Variants in TTBK2 observed in about 807,000 individuals in gnomAD.
The protein encoded by TTBK2 is tau-tubulin kinase 2.
Under a neutral mutation model 110.8 loss-of-function variants are expected in TTBK2, and 28 were observed. That is an observed-to-expected ratio of 0.25 (90% CI 0.19 to 0.35). The LOEUF (loss-of-function observed/expected upper bound fraction) is 0.35, where lower values mean the gene tolerates loss of function less well. Ranked by LOEUF, TTBK2 falls within the 10% of genes least tolerant of loss-of-function variation. The pLI is 1.00. For missense variants in TTBK2, 1,369 were observed against 1,500.3 expected (o/e 0.91, Z 1.45); for synonymous variants, 532 against 527.3 (o/e 1.01, Z -0.12).
At chr15:42,920,394 C>A (rs1357213143) in intron 1 of TTBK2, 44 bp downstream of exon 1, 4 of 152,440 alleles carry the variant, frequency 2.6e-5, no homozygotes, top group Admixed American at 2.6e-4. Context: ...GGGGTCGAGA[C>A]TGGGGGAGGG....
chr15:42,817,502 C>T (rs1892088773), intron 6 of TTBK2, among the ~76,000 whole-genome samples: 2 of 152,016 alleles, frequency 1.3e-5, no homozygotes, highest in Admixed American at 1.3e-4. Flanking sequence ...CTAAGTAAAC[C>T]TGAGATACCA....
intron 13 of TTBK2, among the ~76,000 whole-genome samples, chr15:42,756,200 G>A (rs1320209529): frequency 6.6e-6 from 1 of 151,570 alleles, no homozygotes; most frequent in Non-Finnish European, 1.5e-5. Context: ...GCTGGACCCT[G>A]TCTGAAAAAC....
intron 6 of TTBK2, among the ~76,000 whole-genome samples, chr15:42,818,863 C>T (rs183299554): frequency 4.5e-5 from 6 of 134,326 alleles, no homozygotes; most frequent in Admixed American, 4.3e-4. Context: ...TCTCGGCTTG[C>T]GGTGAGCCAA....
intron 9 of TTBK2, among the ~76,000 whole-genome samples, chr15:42,805,565 A>C (rs1282201952): frequency 6.6e-6 from 1 of 152,156 alleles, no homozygotes. Context: ...TACAATGGGG[A>C]ATGAAAGGAG....
intron 3 of TTBK2, among the ~76,000 whole-genome samples, chr15:42,846,853 A>G (rs942313769): frequency 2.0e-5 from 3 of 151,896 alleles, no homozygotes; most frequent in African/African-American, 7.3e-5. Flanking sequence ...CTCTATAAAG[A>G]CTCTTGAACA....
chr15:42,897,480 AG>A (rs1895710422), intron 1 of TTBK2, among the ~76,000 whole-genome samples: 1 of 152,136 alleles, frequency 6.6e-6, no homozygotes, highest in African/African-American at 2.4e-5. Flanking sequence ...GAGATGAGTA[AG>A]TCATGCTCCC....
chr15:42,764,444 A>G (rs532977876), intron 13 of TTBK2, among the ~76,000 whole-genome samples: 8 of 152,396 alleles, frequency 5.2e-5, no homozygotes, highest in African/African-American at 1.9e-4. Context: ...ACGGCACACC[A>G]GGAGATTACA....
At chr15:42,758,034 C>T (rs1289770974) in intron 13 of TTBK2, among the ~76,000 whole-genome samples, 3 of 152,168 alleles carry the variant, frequency 2.0e-5, no homozygotes, top group Non-Finnish European at 2.9e-5. Flanking sequence ...AGCTGCAAAC[C>T]AACTACCATT....
At chr15:42,834,013 A>AAAAAC (rs577793202) in intron 4 of TTBK2, among the ~76,000 whole-genome samples, 1,927 of 151,872 alleles carry the variant, frequency 0.013, 34 homozygotes, top group East Asian at 0.044. Flanking sequence ...TCTGTCTCAA[A>AAAAAC]AAAACAAAAC....
In TTBK2 at chr15:42,815,903, TATATTTAAAA is replaced by T. The variant is rs1351433567; in HGVS notation, c.603+1119_603+1128del. Among the ~76,000 whole-genome samples, 26 of 115,214 alleles carry T rather than the reference TATATTTAAAA, an allele frequency of 2.3e-4. 1 individual carries two copies. Among genetic ancestry groups the T allele is most frequent in the African/African-American group, 1.1e-3 (26 of 24,590 alleles). 75.6% of individuals were successfully genotyped at this position (115,214 alleles called of 152,430 possible). ...ATATATATATTTAAAAATATATATA[TATATTTAAAA>T]ATATATATATATTTAAAAATATATA... On this transcript the variant is annotated intron_variant, in intron 7 of 14. Transcript: ENST00000267890.
At chr15:42,838,979 T>A (rs1893110291) in intron 4 of TTBK2, among the ~76,000 whole-genome samples, 1 of 152,194 alleles carries the variant, frequency 6.6e-6, no homozygotes, top group Admixed American at 6.5e-5. Flanking sequence ...GGGGTATATG[T>A]GCAGGTTTGA....
intron 11 of TTBK2, among the ~76,000 whole-genome samples, chr15:42,777,637 C>A (rs1188912675): frequency 2.0e-5 from 3 of 152,158 alleles, no homozygotes; most frequent in Non-Finnish European, 4.4e-5. Context: ...GGCTGCCAAG[C>A]CTGAGTCGCT....
intron 11 of TTBK2, among the ~76,000 whole-genome samples, chr15:42,777,740 G>A (rs1232167701): frequency 6.6e-6 from 1 of 152,234 alleles, no homozygotes; most frequent in African/African-American, 2.4e-5. Flanking sequence ...GGAGAAGGAG[G>A]ATGACTGTGA....
At position 42,816,942 on chromosome 15, in the gene TTBK2, AT is replaced by A. The variant is rs66534174; in HGVS notation, c.603+89del. 96,939 of 601,452 alleles carry A rather than the reference AT, an allele frequency of 0.16. 8,916 individuals are homozygous for A. Among genetic ancestry groups the A allele is most frequent in the South Asian group, 0.27 (6,322 of 23,648 alleles). 37.3% of individuals were successfully genotyped at this position (601,452 alleles called of 1,614,324 possible). A position where few individuals can be genotyped will look rare whatever the true frequency, so the allele number is the denominator to read the frequency against. On this transcript the variant is annotated intron_variant, in intron 7 of 14. Coordinates refer to ENST00000267890, the MANE Select transcript of TTBK2 (RefSeq NM_173500.4). ...TCAACAAATATACATATATATATAT[AT>A]ATAAAATAATAATAAAATAAAAAAG...
chr15:42,831,382 C>T (rs1430913801), intron 4 of TTBK2, among the ~76,000 whole-genome samples: 1 of 152,088 alleles, frequency 6.6e-6, no homozygotes, highest in African/African-American at 2.4e-5. Context: ...TTTTAGAATA[C>T]TGTGTGGTAC....
intron 3 of TTBK2, among the ~76,000 whole-genome samples, chr15:42,850,158 T>C (rs1000404575): frequency 3.9e-5 from 6 of 152,102 alleles, no homozygotes; most frequent in African/African-American, 1.4e-4. Context: ...CTGCAGCCAC[T>C]GTCAAGGACT....
intron 10 of TTBK2, among the ~76,000 whole-genome samples, chr15:42,791,899 T>C (rs1414724333): frequency 6.6e-6 from 1 of 152,200 alleles, no homozygotes; most frequent in Non-Finnish European, 1.5e-5. Flanking sequence ...CTCAGTACTT[T>C]GGGAGGCCGA....
At chr15:42,763,084 T>TATATATATATATATATATATA (rs1567008356) in intron 13 of TTBK2, among the ~76,000 whole-genome samples, 1 of 108,792 alleles carries the variant, frequency 9.2e-6, no homozygotes. Flanking sequence ...GTTAACAATT[T>TATATATATATATATATATATA]TATATATATA....
At chr15:42,800,896 T>TC in intron 9 of TTBK2, 1 of 646,140 alleles carries the variant, frequency 1.5e-6, no homozygotes, top group Non-Finnish European at 2.8e-6. Context: ...TTCCCTGTGT[T>TC]CCCCTGCACA....
Sources: gnomAD v4.1 joint callset for allele counts (sites outside exome capture counted in the v4.1 genomes callset) on GRCh38, gnomAD v4.1.1 for gene constraint, MANE v1.5 for transcripts, NCBI Gene and HGNC (gene_info 2026-07-23, HGNC 2026-07-21) for gene names.